The following ZFHX3 variants were observed in gnomAD, a reference collection of about 807,000 sequenced individuals.
ZFHX3 encodes the protein zinc finger homeobox protein 3.
A neutral mutation model predicts 279.1 loss-of-function variants in ZFHX3; 42 were observed. The ratio of observed to expected loss-of-function variants is 0.15; its 90% CI spans 0.12 to 0.19. The LOEUF (loss-of-function observed/expected upper bound fraction) is 0.19, where lower values mean the gene tolerates loss of function less well. Among genes scored for constraint, ZFHX3 ranks in the 10% least tolerant of loss-of-function variants. The pLI is 1.00. For synonymous variants in ZFHX3, 2,293 were observed against 1,957.8 expected, an observed-to-expected ratio of 1.17 and a Z score of -4.52; for missense variants, 4,981 against 4,754.0, an observed-to-expected ratio of 1.05 and a Z score of -1.40.
chr16:73,684,582 C>T lies in ZFHX3; in HGVS notation c.-1607-4342G>A, dbSNP rs550335072. Among the ~76,000 whole-genome samples, 4 of 152,074 alleles carry T rather than the reference C, an allele frequency of 2.6e-5. No homozygotes were observed. The South Asian group carries it at 8.3e-4, about 32-fold the overall frequency. ...CAAAACCCACAAATATGTTGGGTTA[C>T]ATGGCAAAGAGGATTTAAGGTTGCA... On this transcript the variant is annotated intron_variant, in intron 1 of 17. Coordinates refer to the ZFHX3 transcript ENST00000641206.
chr16:73,477,070 A>T (rs978835831), intron 2 of ZFHX3, among the ~76,000 whole-genome samples: 1 of 152,244 alleles, frequency 6.6e-6, no homozygotes, highest in African/African-American at 2.4e-5. Flanking sequence ...TGGAAGAAAA[A>T]AATTTTAGAA....
chr16:72,793,353 T>G lies in ZFHX3; in HGVS notation c.9329A>C (p.Asn3110Thr). 6.2e-7 allele frequency: 1 copy of G among 1,614,144 alleles called. No homozygotes were observed. Among genetic ancestry groups the G allele is most frequent in the Non-Finnish European group, 8.5e-7 (1 of 1,180,018 alleles). ...MFDNTPLQAL[N>T]LPTAYPALQG... is the part of the protein sequence containing the mutation. ...GAGCGCTGGATATGCTGTAGGAAGG[T>G]TAAGGGCCTGAAGAGGGGTGTTGTC... Residue 3110 changes from asparagine (N) to threonine (T), a missense_variant, in exon 9 of 10, where the codon AAC (asparagine) becomes ACC (threonine). Around this residue, in one of 7 missense-constraint regions of ZFHX3, gnomAD observed 1,034 missense variants for 786.0 expected, o/e 1.32. Coordinates refer to ENST00000268489, the MANE Select transcript of ZFHX3 (RefSeq NM_006885.4). This position sits in a 1 kb window ranked among gnomAD's most constrained non-coding sequence, Gnocchi z 4.3.
chr16:73,646,116 A>T (rs1409609230), intron 2 of ZFHX3, among the ~76,000 whole-genome samples: 1 of 152,232 alleles, frequency 6.6e-6, no homozygotes, highest in Admixed American at 6.5e-5. Context: ...ATTCTAAAGA[A>T]ATAAGTGAAC....
rs568471035 is a variant in ZFHX3, at chr16:73,434,676, C to T, written c.-1291+21327G>A. Among the ~76,000 whole-genome samples the T allele has an allele frequency of 1.8e-3, 279 of 152,164 alleles. 1 individual carries two copies. Among genetic ancestry groups the T allele is most frequent in the Middle Eastern group, 3.4e-3 (1 of 294 alleles). ...TGTGTTTTTGGAGGTGATCAGATAA[C>T]ATCATTGAGGTTGATCTCAAGATGT... On this transcript the variant is annotated intron_variant, in intron 3 of 17. Transcript: ENST00000641206.
chr16:73,470,929 A>G (rs35404162), intron 2 of ZFHX3, among the ~76,000 whole-genome samples: 43,735 of 152,144 alleles, frequency 0.29, 8,134 homozygotes, highest in Non-Finnish European at 0.42. Flanking sequence ...TCAAAGATCC[A>G]TATTCTCAGA....
At chr16:73,074,492 A>G (rs1294288820) in intron 8 of ZFHX3, among the ~76,000 whole-genome samples, 1 of 152,220 alleles carries the variant, frequency 6.6e-6, no homozygotes, top group East Asian at 1.9e-4. Context: ...CACCATATGG[A>G]GTGTTCACTG....
chr16:72,932,622 T>C (rs1959879396), intron 3 of ZFHX3, among the ~76,000 whole-genome samples: 1 of 147,246 alleles, frequency 6.8e-6, no homozygotes, highest in African/African-American at 2.5e-5. Context: ...ATAATCTCTC[T>C]TCAGGGAAAT....
chr16:73,466,405 C>G (rs554501340), intron 2 of ZFHX3, among the ~76,000 whole-genome samples: 2 of 152,224 alleles, frequency 1.3e-5, no homozygotes, highest in African/African-American at 2.4e-5. Flanking sequence ...ATCACTTGAT[C>G]TCAGGAGATG....
chr16:73,738,448 G>C (rs534132713), intron 1 of ZFHX3, among the ~76,000 whole-genome samples: 1 of 152,192 alleles, frequency 6.6e-6, no homozygotes, highest in Non-Finnish European at 1.5e-5. Context: ...CATGCACTGT[G>C]CACATTAACA....
chr16:72,933,823 T>TTTTTTC (rs1959958944), intron 3 of ZFHX3, among the ~76,000 whole-genome samples: 2 of 141,906 alleles, frequency 1.4e-5, no homozygotes, highest in African/African-American at 5.1e-5. Flanking sequence ...CTTTTTTTTT[T>TTTTTTC]TTTTTTTTTT....
intron 4 of ZFHX3, among the ~76,000 whole-genome samples, chr16:73,308,471 A>C (rs1347113847): frequency 6.6e-6 from 1 of 151,570 alleles, no homozygotes; most frequent in African/African-American, 2.4e-5. Flanking sequence ...TTGTAATTTT[A>C]GTAGAGAAGG....
intron 2 of ZFHX3, among the ~76,000 whole-genome samples, chr16:73,652,188 T>C (rs2052678431): frequency 2.0e-5 from 3 of 152,160 alleles, no homozygotes; most frequent in Non-Finnish European, 4.4e-5. Context: ...GGGGCTTTTA[T>C]AGTGGTAAGG....
intron 2 of ZFHX3, among the ~76,000 whole-genome samples, chr16:73,578,987 C>G (rs757771749): frequency 6.6e-6 from 1 of 152,166 alleles, no homozygotes; most frequent in Non-Finnish European, 1.5e-5. Flanking sequence ...GGACATGCCT[C>G]GTTACACTCT....
At chr16:73,038,462 A>G (rs1049978089) in intron 1 of ZFHX3, among the ~76,000 whole-genome samples, 20 of 152,262 alleles carry the variant, frequency 1.3e-4, no homozygotes, top group African/African-American at 4.8e-4. Flanking sequence ...GCAAAGGCCC[A>G]GAATCATCTG....
Position 73,333,934 on chromosome 16 carries a change from C to T in ZFHX3, c.-1290-15598G>A, listed in dbSNP as rs77877179. On this transcript the variant is annotated intron_variant, in intron 3 of 17. Transcript: ENST00000641206. The stretch of plus-strand genomic sequence containing the variant: ...CACGCTGAACATCCTGCTGCCAATG[C>T]AGGTGGAAGTGTTGAGCTGGTGCAG... 1.1e-3 allele frequency among the ~76,000 whole-genome samples: 172 copies of T among 151,848 alleles called. 1 individual carries two copies. Among genetic ancestry groups the T allele is most frequent in the African/African-American group, 4.0e-3 (164 of 41,404 alleles).
chr16:73,368,355 G>C (rs9940382), intron 3 of ZFHX3, among the ~76,000 whole-genome samples: 2,805 of 152,208 alleles, frequency 0.018, 59 homozygotes, highest in African/African-American at 0.055. Context: ...TTTTCCAAAG[G>C]TCACAGGCTC....
intron 3 of ZFHX3, among the ~76,000 whole-genome samples, chr16:73,407,757 G>A (rs1469641841): frequency 6.6e-6 from 1 of 152,234 alleles, no homozygotes; most frequent in Non-Finnish European, 1.5e-5. Context: ...GTGCAGCACA[G>A]AGTGAAATAA....
chr16:73,188,764 G>T (rs1360926839), intron 5 of ZFHX3, among the ~76,000 whole-genome samples: 1 of 152,150 alleles, frequency 6.6e-6, no homozygotes, highest in Non-Finnish European at 1.5e-5. Flanking sequence ...ATTCCCAGGG[G>T]TAGGATTTGT....
chr16:73,326,822 T>A (rs1046054422), intron 3 of ZFHX3, among the ~76,000 whole-genome samples: 13 of 152,256 alleles, frequency 8.5e-5, no homozygotes, highest in Non-Finnish European at 1.9e-4. Context: ...AGCCCCTATT[T>A]GGGTCTCCAG....
Sources: gnomAD v4.1 joint callset for allele counts (sites outside exome capture counted in the v4.1 genomes callset) on GRCh38, gnomAD v4.1.1 for gene constraint, gnomAD v4.1.1 regional missense constraint, Gnocchi (gnomAD v3.1) non-coding constraint, MANE v1.5 for transcripts, NCBI Gene and HGNC (gene_info 2026-07-23, HGNC 2026-07-21) for gene names.